The following PKD1 variants were observed in gnomAD, a reference collection of about 807,000 sequenced individuals.
The protein encoded by PKD1 is polycystin-1.
A neutral mutation model predicts 361.7 loss-of-function variants in PKD1; 81 were observed. The observed-to-expected ratio is 0.22, with a 90% CI of 0.19 to 0.27. PKD1 has a LOEUF of 0.27. Ranked by LOEUF, PKD1 falls within the 10% of genes least tolerant of loss-of-function variation. The probability of loss-of-function intolerance (pLI) is 1.00; values close to 1 mark genes in which losing one functional copy is unlikely to be tolerated. For synonymous variants in PKD1, 3,615 were observed against 2,818.3 expected (o/e 1.28, Z -8.95); for missense variants, 6,399 against 6,118.3 (o/e 1.05, Z -1.53).
chr16:2,118,889 G>C lies in PKD1; in HGVS notation c.360-44C>G, dbSNP rs925385502. 7.1e-7 allele frequency: 1 copy of C among 1,408,078 alleles called. No homozygotes were observed. The highest frequency in any genetic ancestry group is 1.7e-5 in the Admixed American group (1 of 58,390). The allele number at this position is 1,408,078 out of a possible 1,614,324, so 87.2% of individuals were successfully genotyped here. On this transcript the variant is annotated intron_variant, in intron 3 of 45. Coordinates refer to ENST00000262304, the MANE Select transcript of PKD1 (RefSeq NM_001009944.3). The surrounding 1 kb of genome is among the most constrained non-coding windows in gnomAD (Gnocchi z 6.0). ...TGTTGGGGACCAGGTCTGGTGGGAAGGGTCTATGCCAGCCCCCCACTGGCA... is the reference window on the plus strand; with the variant it reads ...TGTTGGGGACCAGGTCTGGTGGGAACGGTCTATGCCAGCCCCCCACTGGCA...
chr16:2,112,717 G>A (rs1596567665), intron 13 of PKD1, 71 bp downstream of exon 13: 2 of 1,490,792 alleles, frequency 1.3e-6, no homozygotes, highest in Non-Finnish European at 1.8e-6. Flanking sequence ...TGATGTGGGG[G>A]TCCCTCGGCT....
In PKD1 at chr16:2,110,465, A is replaced by G. The variant is rs1276615580; in HGVS notation, c.4702T>C (p.Phe1568Leu). The change falls in exon 15 of 46, where the codon TTC (phenylalanine) becomes CTC (leucine). Residue 1568 changes from phenylalanine (F) to leucine (L), a missense_variant. Phe to Leu is a conservative substitution (Grantham distance 22). Coordinates refer to ENST00000262304, the MANE Select transcript of PKD1 (RefSeq NM_001009944.3). ...CTGCCGGCCTCCAGCGACGTGCTGA[A>G]GCTCACGCTCCCATTCAGGGGCACC... ...TVVPLNGSVS[F>L]STSLEAGSDV... 3 of 1,612,546 alleles carry G rather than the reference A, an allele frequency of 1.9e-6. No homozygotes were observed. The highest frequency in any genetic ancestry group is 2.5e-6 in the Non-Finnish European group (3 of 1,179,840).
intron 34 of PKD1, chr16:2,094,634 C>T (rs994115821): frequency 1.9e-5 from 5 of 256,932 alleles, no homozygotes; most frequent in Admixed American, 1.0e-4. Context: ...CTAAAATTAA[C>T]TTCTGGACAA....
At chr16:2,105,206 AAGG>A in intron 21 of PKD1, 113 bp downstream of exon 21, 1 of 966,144 alleles carries the variant, frequency 1.0e-6, no homozygotes, top group African/African-American at 1.7e-5. Context: ...CCATGGCAGG[AAGG>A]AGCCCAGGCT....
At position 2,103,313 on chromosome 16, in the gene PKD1, T is replaced by A. The variant is rs533221512; in HGVS notation, c.8744A>T (p.Asn2915Ile). The change falls in exon 23 of 46, where the codon AAC (asparagine) becomes ATC (isoleucine). Residue 2915 changes from asparagine to isoleucine, a missense_variant. Physicochemically the swap from Asn to Ile is moderately radical, Grantham distance 149. Coordinates refer to ENST00000262304, the MANE Select transcript of PKD1 (RefSeq NM_001009944.3). ...CTGCAGATGCAGCCCGGCCGCAGGG[T>A]TGCTGCTGTCCAGGGTGACCACAGC... Reference protein sequence around the residue: ...VGAVVTLDSSNPAAGLHLQLN... With the variant: ...VGAVVTLDSSIPAAGLHLQLN... The A allele has an allele frequency of 4.4e-6, 7 of 1,608,438 alleles. No individual in the cohort carries two copies. The highest frequency in any genetic ancestry group is 5.9e-6 in the Non-Finnish European group (7 of 1,179,658).
In PKD1 at chr16:2,111,656, T is replaced by G. The variant is rs1193034435; in HGVS notation, c.3511A>C (p.Thr1171Pro). 3.2e-6 allele frequency: 5 copies of G among 1,573,992 alleles called. No individual in the cohort carries two copies. The highest frequency in any genetic ancestry group is 4.3e-6 in the Non-Finnish European group (5 of 1,161,254). The change falls in exon 15 of 46, where the codon ACC becomes CCC. Residue 1171 changes from threonine to proline, a missense_variant. By Grantham distance (38) the Thr-to-Pro change is conservative. Coordinates refer to ENST00000262304, the MANE Select transcript of PKD1 (RefSeq NM_001009944.3). Reference protein sequence around the residue: ...WDFGDGSPVLTQSQPAANHTY... With the variant: ...WDFGDGSPVLPQSQPAANHTY... ...TGGTTGGCAGCCGGCTGGCTCTGGG[T>G]CAGGACAGGGGAGCCGTCCCCGAAG... is the stretch of plus-strand genomic sequence containing the variant.
At chr16:2,091,202 G>A (rs1000474665) in intron 42 of PKD1, 28 bp from the exon 43 acceptor site, 6 of 1,330,494 alleles carry the variant, frequency 4.5e-6, no homozygotes, top group African/African-American at 1.6e-5. Flanking sequence ...AGGAGGGCGG[G>A]AGGGACGCTG....
Position 2,113,177 on chromosome 16 carries a change from G to T in PKD1, c.2969C>A (p.Ala990Glu), listed in dbSNP as rs995939747. The change falls in exon 12 of 46, where the codon GCG (alanine) becomes GAG (glutamate). Residue 990 changes from alanine to glutamate, a missense_variant. Physicochemically the swap from Ala to Glu is moderately radical, Grantham distance 107. Transcript: ENST00000262304. Reference protein sequence around the residue: ...VVFNVIYQSAAVFKLSLTASN... With the variant: ...VVFNVIYQSAEVFKLSLTASN... ...CCCACCTACTGAGAGCTTGAAGACC[G>T]CCGCGCTCTGATAAATGACATTGAA... 6 of 1,018,410 alleles carry T rather than the reference G, an allele frequency of 5.9e-6. No homozygotes were observed. Among genetic ancestry groups the T allele is most frequent in the Non-Finnish European group, 9.1e-6 (6 of 657,972 alleles). The allele number at this position is 1,018,410 out of a possible 1,614,324, so 63.1% of individuals were successfully genotyped here.
chr16:2,118,338 G>A lies in PKD1; in HGVS notation c.654C>T (p.Gly218=). 2.0e-6 allele frequency: 3 copies of A among 1,466,668 alleles called. No homozygotes were observed. Among genetic ancestry groups the A allele is most frequent in the Non-Finnish European group, 2.8e-6 (3 of 1,085,606 alleles). The allele number at this position is 1,466,668 out of a possible 1,614,324, so 90.9% of individuals were successfully genotyped here. The change falls in exon 5 of 46, where the codon GGC becomes GGT. Residue 218 remains glycine, a synonymous_variant. Coordinates refer to ENST00000262304, the MANE Select transcript of PKD1 (RefSeq NM_001009944.3). The surrounding 1 kb of genome is among the most constrained non-coding windows in gnomAD (Gnocchi z 6.0). ...GCTCCGAGAGGGCTGCGAGGCCCTG[G>A]CCGGTGGAGAAGCAGAAGGCGCTGC... is the stretch of plus-strand genomic sequence containing the variant. ...EACSAFCFST[G]QGLAALSEQG...
intron 15 of PKD1, 75 bp from the exon 16 acceptor site, chr16:2,108,107 C>G: frequency 6.5e-7 from 1 of 1,549,806 alleles, no homozygotes; most frequent in Non-Finnish European, 8.8e-7. Flanking sequence ...GCCCAGGAGA[C>G]AGCGCGGGAG....
rs1350256509 is a variant in PKD1, at chr16:2,094,196, C to A, written c.10514G>T (p.Gly3505Val). 6.2e-7 allele frequency: 1 copy of A among 1,600,816 alleles called. No individual in the cohort carries two copies. The highest frequency in any genetic ancestry group is 1.3e-5 in the African/African-American group (1 of 74,722). ...CAGCGCCAGCGTCTCTGTCTTCTCC[C>A]CAGGAGTGCTGGACCTGAGGGACAT... Reference protein sequence around the residue: ...DLLSSLSSTPGEKTETLALQR... With the variant: ...DLLSSLSSTPVEKTETLALQR... The change falls in exon 35 of 46, where the codon GGG becomes GTG. Residue 3505 changes from glycine (G) to valine (V), a missense_variant. Gly to Val is a moderately radical substitution (Grantham distance 109). Transcript: ENST00000262304.
chr16:2,107,834 G>A, intron 16 of PKD1, 49 bp downstream of exon 16: 1 of 1,520,754 alleles, frequency 6.6e-7, no homozygotes, highest in Non-Finnish European at 8.9e-7. Context: ...AGATGACCAG[G>A]GAGGCTGGGC....
chr16:2,108,175 T>A lies in PKD1; in HGVS notation c.6915+77A>T, dbSNP rs200363107. The A allele has an allele frequency of 0.047, 70,188 of 1,492,120 alleles. 1,926 individuals carry two copies. Among genetic ancestry groups the A allele is most frequent in the Non-Finnish European group, 0.054 (58,923 of 1,083,002 alleles). The allele number at this position is 1,492,120 out of a possible 1,614,324, so 92.4% of individuals were successfully genotyped here. On this transcript the variant is annotated intron_variant, in intron 15 of 45. Coordinates refer to ENST00000262304, the MANE Select transcript of PKD1 (RefSeq NM_001009944.3). Reference sequence around the variant, plus strand: ...GGCACTGAGGACGGGCCAGCCCTGGTGGCAAGCTGGGTGTTCTCTGGGCTC... The same window carrying A: ...GGCACTGAGGACGGGCCAGCCCTGGAGGCAAGCTGGGTGTTCTCTGGGCTC...
At chr16:2,105,512 G>A (rs564141511) in intron 20 of PKD1, 38 bp from the exon 21 acceptor site, 25 of 1,595,100 alleles carry the variant, frequency 1.6e-5, no homozygotes, top group East Asian at 6.7e-5. Flanking sequence ...TGTCAGCAGC[G>A]CAGGAGGCCG....
Position 2,097,133 on chromosome 16 carries a change from G to T in PKD1, c.10499+15C>A. Reference sequence around the variant, plus strand: ...CCTCTGGCAATCCCCCCTCCCCCGAGAGCCGGACACTCACAGGCTGCTGAG... The same window carrying T: ...CCTCTGGCAATCCCCCCTCCCCCGATAGCCGGACACTCACAGGCTGCTGAG... On this transcript the variant is annotated intron_variant, in intron 34 of 45. Transcript: ENST00000262304. The T allele has an allele frequency of 1.4e-6, 2 of 1,469,028 alleles. No homozygotes were observed. 91.0% of individuals were successfully genotyped at this position (1,469,028 alleles called of 1,614,324 possible). A position where few individuals can be genotyped will look rare whatever the true frequency, so the allele number is the denominator to read the frequency against.
intron 1 of PKD1, among the ~76,000 whole-genome samples, chr16:2,127,628 A>G (rs1422072588): frequency 6.6e-6 from 1 of 151,876 alleles, no homozygotes; most frequent in East Asian, 2.0e-4. Context: ...GGGAACCGAC[A>G]GAGCTACTTT....
At chr16:2,105,519 G>A (rs768347959) in intron 20 of PKD1, 45 bp from the exon 21 acceptor site, 11 of 1,594,980 alleles carry the variant, frequency 6.9e-6, no homozygotes, top group South Asian at 6.6e-5. Context: ...AGCGCAGGAG[G>A]CCGGCAGGAG....
rs1341622261 is a variant in PKD1 at position 2,103,856 on chromosome 16, G to A, written c.8201C>T (p.Pro2734Leu). 3.1e-6 allele frequency: 5 copies of A among 1,605,344 alleles called. No homozygotes were observed. In the African/African-American group the frequency reaches 5.5e-5, roughly 18 times the overall value. The change falls in exon 23 of 46, where the codon CCA (proline) becomes CTA (leucine). Residue 2734 changes from proline (P) to leucine (L), a missense_variant. Transcript: ENST00000262304. Reference protein sequence around the residue: ...IHLASSDVRAPQPSELGAESP... With the variant: ...IHLASSDVRALQPSELGAESP... The stretch of plus-strand genomic sequence containing the variant: ...CTCGGCTCCCAGCTCTGAGGGCTGT[G>A]GTGCCCGCACGTCCGAGCTGGCCAG...
intron 44 of PKD1, 21 bp downstream of exon 44, chr16:2,090,653 C>T (rs748396724): frequency 4.4e-6 from 7 of 1,603,810 alleles, no homozygotes; most frequent in South Asian, 1.1e-5. Flanking sequence ...AGACGCCCTC[C>T]CCGGCCGCGC....
Sources: gnomAD v4.1 joint callset for allele counts (sites outside exome capture counted in the v4.1 genomes callset) on GRCh38, gnomAD v4.1.1 for gene constraint, Gnocchi (gnomAD v3.1) non-coding constraint, MANE v1.5 for transcripts, NCBI Gene and HGNC (gene_info 2026-07-23, HGNC 2026-07-21) for gene names.